LRRC7: variants seen among roughly 807,000 people sequenced by gnomAD.
LRRC7 encodes the protein leucine rich repeat containing 7, also known as leucine-rich repeat-containing protein 7.
Under a neutral mutation model 175.7 loss-of-function variants are expected in LRRC7, and 23 were observed. That is an observed-to-expected ratio of 0.13 (90% CI 0.09 to 0.19). The LOEUF is 0.19. Ranked by LOEUF, LRRC7 falls within the 10% of genes least tolerant of loss-of-function variation. The pLI is 1.00. For synonymous variants in LRRC7, 685 were observed against 680.9 expected (o/e 1.01, Z -0.09); for missense variants, 1,354 against 1,904.7 (o/e 0.71, Z 5.38).
At chr1:69,838,833 A>G (rs907226284) in intron 7 of LRRC7, among the ~76,000 whole-genome samples, 3 of 151,992 alleles carry the variant, frequency 2.0e-5, no homozygotes, top group Non-Finnish European at 4.4e-5. Context: ...TTTTAAAGTA[A>G]AAACTAATCC....
chr1:69,570,115 A>C (rs1215647364), intron 1 of LRRC7, among the ~76,000 whole-genome samples: 2 of 152,084 alleles, frequency 1.3e-5, no homozygotes, highest in African/African-American at 4.8e-5. Context: ...TTTTGTGAGC[A>C]TATTCTAACC....
chr1:69,700,745 T>C (rs1047193313), intron 2 of LRRC7, among the ~76,000 whole-genome samples: 5 of 152,156 alleles, frequency 3.3e-5, no homozygotes, highest in Admixed American at 6.5e-5. Flanking sequence ...TAGGAGTTTG[T>C]GTTTATTCTC....
chr1:70,032,649 C>T (rs1658878924), intron 18 of LRRC7, among the ~76,000 whole-genome samples: 1 of 152,122 alleles, frequency 6.6e-6, no homozygotes, highest in Non-Finnish European at 1.5e-5. Flanking sequence ...TATAGAGGAA[C>T]ATCTTTCTTC....
intron 7 of LRRC7, among the ~76,000 whole-genome samples, chr1:69,890,790 C>T (rs548307956): frequency 6.6e-6 from 1 of 152,362 alleles, no homozygotes; most frequent in South Asian, 2.1e-4. Flanking sequence ...GCACTTGTCG[C>T]TTCACCTTGC....
intron 7 of LRRC7, among the ~76,000 whole-genome samples, chr1:69,872,157 T>C (rs902555830): frequency 6.6e-6 from 1 of 152,050 alleles, no homozygotes; most frequent in African/African-American, 2.4e-5. Context: ...ATTGCATTTG[T>C]CTGAGCATAT....
chr1:70,049,967 C>A (rs778806795), intron 22 of LRRC7, among the ~76,000 whole-genome samples: 20 of 152,046 alleles, frequency 1.3e-4, no homozygotes, highest in Non-Finnish European at 1.8e-4. Flanking sequence ...TTGCAAATTG[C>A]CAAATTCTAA....
intron 1 of LRRC7, among the ~76,000 whole-genome samples, chr1:69,582,075 ATTT>A (rs981210690): frequency 6.6e-6 from 1 of 151,692 alleles, no homozygotes; most frequent in Non-Finnish European, 1.5e-5. Flanking sequence ...TCATCTTCAC[ATTT>A]TTTTTCACTG....
At chr1:69,781,920 G>GAAAGAAAGAA (rs1553155309) in intron 3 of LRRC7, among the ~76,000 whole-genome samples, 32 of 92,438 alleles carry the variant, frequency 3.5e-4, no homozygotes, top group East Asian at 1.7e-3. Context: ...AAAGAAGAAA[G>GAAAGAAAGAA]AAAGAAAGAA....
chr1:69,879,785 G>A (rs1686415943), intron 7 of LRRC7: 6 of 152,248 alleles, frequency 3.9e-5, no homozygotes, highest in Admixed American at 2.6e-4. Context: ...AACTCAGGTC[G>A]GAAACGGAGC....
At chr1:70,045,816 A>C (rs1660282866) in intron 22 of LRRC7, among the ~76,000 whole-genome samples, 1 of 152,154 alleles carries the variant, frequency 6.6e-6, no homozygotes, top group South Asian at 2.1e-4. Context: ...GGCAGCAGGC[A>C]AGATTGCTTG....
rs556923825 is a variant in LRRC7 at position 69,908,293 on chromosome 1, G to T, written c.648-23214G>T. Among the ~76,000 whole-genome samples the T allele has an allele frequency of 3.3e-4, 50 of 152,000 alleles. No homozygotes were observed. In the South Asian group the frequency reaches 7.1e-3, roughly 21 times the overall value. On this transcript the variant is annotated intron_variant, in intron 7 of 26. Transcript: ENST00000651989. ...TCTGCTCTGACTTTAGTTATTTCTT[G>T]CCTTCTGCTAGCTTTTGAATGTGTT...
chr1:69,653,182 CAT>C (rs1210291378), intron 1 of LRRC7, among the ~76,000 whole-genome samples: 1 of 151,998 alleles, frequency 6.6e-6, no homozygotes, highest in Non-Finnish European at 1.5e-5. Flanking sequence ...AATATTTACA[CAT>C]GACATATCTG....
intron 1 of LRRC7, among the ~76,000 whole-genome samples, chr1:69,640,534 A>G (rs1438623791): frequency 6.6e-6 from 1 of 151,400 alleles, no homozygotes; most frequent in South Asian, 2.1e-4. Context: ...TCTGAGAAAT[A>G]CACAATCATT....
intron 7 of LRRC7, among the ~76,000 whole-genome samples, chr1:69,883,116 TG>T (rs1686805633): frequency 6.6e-6 from 1 of 152,148 alleles, no homozygotes. Flanking sequence ...TATATTCCTT[TG>T]GGTATATACC....
At chr1:69,640,756 A>G (rs1483299293) in intron 1 of LRRC7, among the ~76,000 whole-genome samples, 1 of 149,990 alleles carries the variant, frequency 6.7e-6, no homozygotes, top group East Asian at 1.9e-4. Context: ...TGGAGGAGCA[A>G]AGGTAATTCA....
chr1:69,604,135 A>G (rs1417044688), intron 1 of LRRC7, among the ~76,000 whole-genome samples: 2 of 152,124 alleles, frequency 1.3e-5, no homozygotes, highest in South Asian at 2.1e-4. Flanking sequence ...TTTTAAAAAG[A>G]CAAGCTATGG....
At chr1:70,065,130 C>T (rs1661872463) in intron 23 of LRRC7, among the ~76,000 whole-genome samples, 1 of 151,808 alleles carries the variant, frequency 6.6e-6, no homozygotes, top group Non-Finnish European at 1.5e-5. Flanking sequence ...TTGACACGTC[C>T]AGCAAAATGA....
chr1:69,905,651 C>A (rs1365251557), intron 7 of LRRC7, among the ~76,000 whole-genome samples: 1 of 152,146 alleles, frequency 6.6e-6, no homozygotes, highest in Admixed American at 6.6e-5. Context: ...TTAATCCAGT[C>A]TATCATTGTT....
chr1:69,696,773 C>T (rs1481827138), intron 2 of LRRC7, among the ~76,000 whole-genome samples: 1 of 152,128 alleles, frequency 6.6e-6, no homozygotes, highest in Admixed American at 6.5e-5. Flanking sequence ...TCTCTTGCTT[C>T]CACTCGTCAT....
Sources: gnomAD v4.1 joint callset for allele counts (sites outside exome capture counted in the v4.1 genomes callset) on GRCh38, gnomAD v4.1.1 for gene constraint, MANE v1.5 for transcripts, NCBI Gene and HGNC (gene_info 2026-07-23, HGNC 2026-07-21) for gene names.